MOSMO: variants seen among roughly 807,000 people sequenced by gnomAD.
The protein encoded by MOSMO is modulator of smoothened protein.
Under a neutral mutation model 18.4 loss-of-function variants are expected in MOSMO, and 5 were observed. The observed-to-expected ratio is 0.27, with a 90% CI of 0.14 to 0.57. MOSMO has a LOEUF of 0.57. Ranked by LOEUF, MOSMO falls within the 20% of genes least tolerant of loss-of-function variation. The pLI, the probability that MOSMO is intolerant of heterozygous loss-of-function variation, is 0.92. For missense variants in MOSMO, 138 were observed against 211.8 expected (o/e 0.65, Z 2.16); for synonymous variants, 82 against 82.3 (o/e 1.00, Z 0.02).
intron 1 of MOSMO, among the ~76,000 whole-genome samples, chr16:22,060,093 C>T (rs1454691297): frequency 6.6e-6 from 1 of 152,198 alleles, no homozygotes; most frequent in Non-Finnish European, 1.5e-5. Flanking sequence ...AGTAGGATCG[C>T]TTGATCCCAG....
chr16:22,047,755 A>T (rs565934131), intron 1 of MOSMO, among the ~76,000 whole-genome samples: 3 of 152,144 alleles, frequency 2.0e-5, no homozygotes, highest in Non-Finnish European at 4.4e-5. Context: ...GTCCTCTGGG[A>T]AGCTGACACT....
Sources: allele counts gnomAD v4.1 joint callset (sites outside exome capture counted in the v4.1 genomes callset), GRCh38; gene constraint gnomAD v4.1.1; transcripts MANE v1.5; gene names NCBI Gene and HGNC (gene_info 2026-07-23, HGNC 2026-07-21).